The following MAP3K20 variants were observed in gnomAD, a reference collection of about 807,000 sequenced individuals.
MAP3K20 encodes the protein HCCS-4.
A neutral mutation model predicts 85.7 loss-of-function variants in MAP3K20; 40 were observed. The observed-to-expected ratio is 0.47, with a 90% CI of 0.36 to 0.61. The LOEUF (loss-of-function observed/expected upper bound fraction) is 0.61, where lower values mean the gene tolerates loss of function less well. Among genes scored for constraint, MAP3K20 ranks in the 20% least tolerant of loss-of-function variants. The pLI, the probability that MAP3K20 is intolerant of heterozygous loss-of-function variation, is 0.00. For synonymous variants in MAP3K20, 325 were observed against 327.7 expected (o/e 0.99, Z 0.09); for missense variants, 817 against 961.7 (o/e 0.85, Z 1.99).
chr2:173,153,814 C>G (rs1229911481), intron 2 of MAP3K20, among the ~76,000 whole-genome samples: 1 of 152,190 alleles, frequency 6.6e-6, no homozygotes, highest in African/African-American at 2.4e-5. Flanking sequence ...TCTCTAATTA[C>G]TCATACTACA....
At chr2:173,174,366 G>A (rs990653783) in intron 3 of MAP3K20, among the ~76,000 whole-genome samples, 10 of 151,854 alleles carry the variant, frequency 6.6e-5, no homozygotes, top group South Asian at 4.2e-4. Flanking sequence ...TTAAATAAAC[G>A]CCCCCGACAG....
chr2:173,263,638 T>G, intron 18 of MAP3K20, 107 bp from the exon 19 acceptor site: 1 of 1,093,786 alleles, frequency 9.1e-7, no homozygotes, highest in Non-Finnish European at 1.3e-6. Context: ...ACTGAAGTGA[T>G]ATAATAACCT....
In MAP3K20 at chr2:173,132,223, G is replaced by C. The variant is rs1688638614; in HGVS notation, c.160-37582G>C. On this transcript the variant is annotated intron_variant, in intron 2 of 19. Transcript: ENST00000375213. ...TCAAATTTAAAAAGAAGAAAAAACA[G>C]ATCAGATCATGTCATTTCTGCACAA... 2.0e-5 allele frequency among the ~76,000 whole-genome samples: 3 copies of C among 152,088 alleles called. No individual in the cohort carries two copies. In the South Asian group the frequency reaches 6.2e-4, roughly 31 times the overall value.
chr2:173,105,294 G>A (rs1687752701), intron 2 of MAP3K20, among the ~76,000 whole-genome samples: 2 of 152,148 alleles, frequency 1.3e-5, no homozygotes, highest in South Asian at 4.1e-4. Flanking sequence ...ATTTGGGGTA[G>A]AGTTAACCAG....
chr2:173,078,053 GA>G (rs1686913654), intron 1 of MAP3K20, among the ~76,000 whole-genome samples: 1 of 152,170 alleles, frequency 6.6e-6, no homozygotes, highest in Non-Finnish European at 1.5e-5. Flanking sequence ...AATCATCAGA[GA>G]AAACACTGAA....
At chr2:173,214,762 T>A (rs1684019063) in intron 10 of MAP3K20, among the ~76,000 whole-genome samples, 1 of 152,246 alleles carries the variant, frequency 6.6e-6, no homozygotes, top group African/African-American at 2.4e-5. Context: ...ACCATAATTT[T>A]CATCAACTAA....
intron 16 of MAP3K20, among the ~76,000 whole-genome samples, chr2:173,241,492 A>T (rs1320127473): frequency 6.6e-6 from 1 of 152,066 alleles, no homozygotes; most frequent in Non-Finnish European, 1.5e-5. Context: ...GTAAGCCTGT[A>T]GTCCTAGCTA....
chr2:173,103,823 G>A (rs1342358445), intron 2 of MAP3K20, among the ~76,000 whole-genome samples: 2 of 152,108 alleles, frequency 1.3e-5, no homozygotes, highest in African/African-American at 4.8e-5. Flanking sequence ...TGTTTCCTGA[G>A]CACATATTTT....
At chr2:173,208,057 G>A (rs1315020600) in intron 9 of MAP3K20, among the ~76,000 whole-genome samples, 2 of 151,960 alleles carry the variant, frequency 1.3e-5, no homozygotes, top group Non-Finnish European at 2.9e-5. Context: ...GCTTTTCCTT[G>A]CAAAATGAAA....
chr2:173,263,984 C>A, intron 19 of MAP3K20, 89 bp downstream of exon 19: 1 of 1,485,966 alleles, frequency 6.7e-7, no homozygotes, highest in Non-Finnish European at 9.0e-7. Context: ...CAGAGGATAC[C>A]ACCTCAATCA....
intron 7 of MAP3K20, chr2:173,197,774 G>C (rs181037364): frequency 4.9e-6 from 1 of 203,332 alleles, no homozygotes; most frequent in Non-Finnish European, 9.8e-6. Context: ...AGGCCCATTG[G>C]TTTCATAAAA....
chr2:173,257,369 CCATTA>C (rs372720842), intron 16 of MAP3K20, among the ~76,000 whole-genome samples: 69 of 152,250 alleles, frequency 4.5e-4, no homozygotes, highest in African/African-American at 1.1e-3. Context: ...AATTTTTCTA[CCATTA>C]ATTAGTTTTG....
At chr2:173,142,394 C>T (rs916260702) in intron 2 of MAP3K20, among the ~76,000 whole-genome samples, 68 of 152,030 alleles carry the variant, frequency 4.5e-4, no homozygotes, top group African/African-American at 1.6e-3. Flanking sequence ...ATGGCATGAA[C>T]CCAGGAGGTG....
At position 173,266,255 on chromosome 2, in the gene MAP3K20, G is replaced by C. The variant is rs112889653; in HGVS notation, c.1908G>C (p.Ser636=). ...QITPVNQSRS[S]SPTQYGLTKN... ...CACCTGTGAACCAGTCCAGAAGCTC[G>C]TCTCCTACTCAGTATGGACTGACCA... is the stretch of plus-strand genomic sequence containing the variant. The change falls in exon 20 of 20, where the codon TCG becomes TCC. Residue 636 remains serine (S), a synonymous_variant. Coordinates refer to ENST00000375213, the MANE Select transcript of MAP3K20 (RefSeq NM_016653.3). 3 of 1,614,114 alleles carry C rather than the reference G, an allele frequency of 1.9e-6. No individual in the cohort carries two copies. The highest frequency in any genetic ancestry group is 1.3e-5 in the African/African-American group (1 of 75,022).
At chr2:173,094,858 A>G (rs967207363) in intron 2 of MAP3K20, among the ~76,000 whole-genome samples, 4 of 152,150 alleles carry the variant, frequency 2.6e-5, no homozygotes, top group African/African-American at 9.7e-5. Flanking sequence ...GAAAATACCT[A>G]TTTTTCCTTT....
chr2:173,263,990 A>G, intron 19 of MAP3K20, 95 bp downstream of exon 19: 2 of 1,480,406 alleles, frequency 1.4e-6, no homozygotes, highest in South Asian at 1.4e-5. Flanking sequence ...ATACCACCTC[A>G]ATCAGTTAAG....
At chr2:173,102,513 T>G (rs1452299300) in intron 2 of MAP3K20, among the ~76,000 whole-genome samples, 1 of 152,192 alleles carries the variant, frequency 6.6e-6, no homozygotes, top group African/African-American at 2.4e-5. Context: ...TGAGAAAAAT[T>G]AAGGTGTCCT....
intron 2 of MAP3K20, among the ~76,000 whole-genome samples, chr2:173,134,416 A>ATTTTTTTTTT (rs1559246056): frequency 1.6e-4 from 1 of 6,380 alleles, no homozygotes; most frequent in Non-Finnish European, 3.3e-4. Context: ...ATATATATAT[A>ATTTTTTTTTT]TATATATATA....
At chr2:173,258,200 C>T (rs184827174) in intron 16 of MAP3K20, among the ~76,000 whole-genome samples, 16 of 152,016 alleles carry the variant, frequency 1.1e-4, no homozygotes, top group African/African-American at 2.7e-4. Context: ...TGTTTTCTTT[C>T]GTATTAAGAG....
Sources: allele counts gnomAD v4.1 joint callset (sites outside exome capture counted in the v4.1 genomes callset), GRCh38; gene constraint gnomAD v4.1.1; transcripts MANE v1.5; gene names NCBI Gene and HGNC (gene_info 2026-07-23, HGNC 2026-07-21).